The following ST6GALNAC3 variants were observed in gnomAD, a reference collection of about 807,000 sequenced individuals.
The protein encoded by ST6GALNAC3 is ST6 N-acetylgalactosaminide alpha-2,6-sialyltransferase 3.
ST6GALNAC3 carries 25 observed loss-of-function variants against 32.7 expected under a neutral mutation model. The observed-to-expected ratio is 0.76, with a 90% CI of 0.56 to 1.07. The LOEUF (loss-of-function observed/expected upper bound fraction) is 1.07. Ranked by LOEUF, ST6GALNAC3 falls within the 50% of genes least tolerant of loss-of-function variation. ST6GALNAC3 has a pLI of 0.00. For synonymous variants in ST6GALNAC3, 129 were observed against 133.1 expected (o/e 0.97, Z 0.21); for missense variants, 355 against 382.4 (o/e 0.93, Z 0.60).
chr1:76,620,720 A>T (rs1648582146), intron 3 of ST6GALNAC3, among the ~76,000 whole-genome samples: 3 of 152,036 alleles, frequency 2.0e-5, no homozygotes, highest in African/African-American at 7.2e-5. Flanking sequence ...ATCACCAAAT[A>T]CAAAATACCA....
At chr1:76,309,186 G>A (rs1386017996) in intron 1 of ST6GALNAC3, among the ~76,000 whole-genome samples, 1 of 152,026 alleles carries the variant, frequency 6.6e-6, no homozygotes, top group Non-Finnish European at 1.5e-5. Flanking sequence ...TTTGACACCT[G>A]GTATTATAGT....
intron 1 of ST6GALNAC3, among the ~76,000 whole-genome samples, chr1:76,139,382 A>C (rs1488460930): frequency 6.6e-6 from 1 of 151,678 alleles, no homozygotes; most frequent in Non-Finnish European, 1.5e-5. Flanking sequence ...ACATATAAAC[A>C]TACACACATA....
intron 1 of ST6GALNAC3, among the ~76,000 whole-genome samples, chr1:76,180,132 C>T (rs1007622870): frequency 2.0e-5 from 3 of 152,166 alleles, no homozygotes; most frequent in Admixed American, 6.5e-5. Context: ...TGCAGATCCC[C>T]AGTGTTTAAA....
At chr1:76,514,658 T>C (rs1316552690) in intron 3 of ST6GALNAC3, among the ~76,000 whole-genome samples, 1 of 152,196 alleles carries the variant, frequency 6.6e-6, no homozygotes, top group Non-Finnish European at 1.5e-5. Flanking sequence ...CCTGCCATGT[T>C]GTGACGCAGC....
At chr1:76,497,785 C>T (rs1384832654) in intron 3 of ST6GALNAC3, among the ~76,000 whole-genome samples, 2 of 152,192 alleles carry the variant, frequency 1.3e-5, no homozygotes, top group African/African-American at 2.4e-5. Context: ...CCCATACTCT[C>T]AACGGCTGAA....
intron 1 of ST6GALNAC3, among the ~76,000 whole-genome samples, chr1:76,113,851 A>G (rs1648265847): frequency 6.6e-6 from 1 of 150,378 alleles, no homozygotes; most frequent in African/African-American, 2.4e-5. Flanking sequence ...TTTGAGATGG[A>G]GTTTCGCTCT....
chr1:76,467,659 T>A (rs571477937), intron 3 of ST6GALNAC3, among the ~76,000 whole-genome samples: 1 of 152,160 alleles, frequency 6.6e-6, no homozygotes, highest in African/African-American at 2.4e-5. Flanking sequence ...AGTGGTTATC[T>A]GGATGTTGGA....
At chr1:76,142,898 G>A (rs1344454199) in intron 1 of ST6GALNAC3, 2 of 455,152 alleles carry the variant, frequency 4.4e-6, no homozygotes, top group Non-Finnish European at 8.8e-6. Context: ...CAATTCACAT[G>A]GAGGATTAGA....
At chr1:76,174,524 A>G (rs1028533215) in intron 1 of ST6GALNAC3, among the ~76,000 whole-genome samples, 1 of 151,950 alleles carries the variant, frequency 6.6e-6, no homozygotes, top group African/African-American at 2.4e-5. Flanking sequence ...TTATACATAT[A>G]TAATAAAATT....
intron 3 of ST6GALNAC3, among the ~76,000 whole-genome samples, chr1:76,567,431 A>G (rs1414096301): frequency 3.3e-5 from 5 of 152,166 alleles, no homozygotes; most frequent in Non-Finnish European, 1.5e-5. Flanking sequence ...ATGACATTTT[A>G]CTGGAAAAAC....
At chr1:76,289,358 AG>A (rs1344614018) in intron 1 of ST6GALNAC3, among the ~76,000 whole-genome samples, 5 of 152,300 alleles carry the variant, frequency 3.3e-5, no homozygotes, top group Non-Finnish European at 7.4e-5. Context: ...ACTTATTGCT[AG>A]GCAACCTATG....
chr1:76,593,170 T>A (rs1647076916), intron 3 of ST6GALNAC3, among the ~76,000 whole-genome samples: 1 of 152,190 alleles, frequency 6.6e-6, no homozygotes, highest in South Asian at 2.1e-4. Flanking sequence ...AATCAATGAA[T>A]CATTTATCAG....
At chr1:76,557,227 T>C (rs1298472658) in intron 3 of ST6GALNAC3, among the ~76,000 whole-genome samples, 2 of 152,128 alleles carry the variant, frequency 1.3e-5, no homozygotes, top group Non-Finnish European at 2.9e-5. Flanking sequence ...TTTATTCCAT[T>C]GATCTTCATG....
chr1:76,202,785 T>C (rs17098341), intron 1 of ST6GALNAC3, among the ~76,000 whole-genome samples: 14,095 of 152,220 alleles, frequency 0.093, 749 homozygotes, highest in African/African-American at 0.14. Context: ...CAGAGCATTG[T>C]ATTTTCAATG....
At chr1:76,263,182 CTG>C (rs1482793538) in intron 1 of ST6GALNAC3, among the ~76,000 whole-genome samples, 3 of 152,174 alleles carry the variant, frequency 2.0e-5, no homozygotes, top group Non-Finnish European at 4.4e-5. Context: ...TACTGTTTAA[CTG>C]TGTAAACTTG....
intron 3 of ST6GALNAC3, chr1:76,576,749 G>A (rs757558556): frequency 4.2e-6 from 4 of 951,620 alleles, no homozygotes; most frequent in South Asian, 1.4e-5. Flanking sequence ...TTTCACAGTA[G>A]GTATAAGGAA....
chr1:76,599,453 C>A (rs926482789), intron 3 of ST6GALNAC3, among the ~76,000 whole-genome samples: 1 of 151,930 alleles, frequency 6.6e-6, no homozygotes, highest in African/African-American at 2.4e-5. Flanking sequence ...CCCCTTGCCC[C>A]CCACCCTCCG....
At position 76,360,152 on chromosome 1, in the gene ST6GALNAC3, G is replaced by A. The variant is rs185254575; in HGVS notation, c.213+46153G>A. On this transcript the variant is annotated intron_variant, in intron 2 of 4. Coordinates refer to ENST00000328299, the MANE Select transcript of ST6GALNAC3 (RefSeq NM_152996.4). ...AAACTTTCATTCTACCTGGGAAAGA[G>A]CTTTTAATCAACCATAGCTCCCAGG... is the stretch of plus-strand genomic sequence containing the variant. Among the ~76,000 whole-genome samples, 266 of 152,310 alleles carry A rather than the reference G, an allele frequency of 1.7e-3. 2 individuals are homozygous for A. Among genetic ancestry groups the A allele is most frequent in the Admixed American group, 4.4e-3 (68 of 15,298 alleles).
intron 2 of ST6GALNAC3, among the ~76,000 whole-genome samples, chr1:76,361,648 A>G (rs1235398425): frequency 6.6e-6 from 1 of 152,158 alleles, no homozygotes; most frequent in Non-Finnish European, 1.5e-5. Flanking sequence ...TTGTCACTTA[A>G]GCCTTCTGTA....
Sources: allele counts gnomAD v4.1 joint callset (sites outside exome capture counted in the v4.1 genomes callset), GRCh38; gene constraint gnomAD v4.1.1; transcripts MANE v1.5; gene names NCBI Gene and HGNC (gene_info 2026-07-23, HGNC 2026-07-21).